HIVEP1: variants seen among roughly 807,000 people sequenced by gnomAD.
HIVEP1 encodes HIVEP zinc finger 1.
In HIVEP1, 36 loss-of-function variants were observed where a neutral mutation model predicts 180.0. The ratio of observed to expected loss-of-function variants is 0.20; its 90% CI spans 0.15 to 0.26. The LOEUF is 0.26. HIVEP1 is among the 10% of genes least tolerant of loss of function. HIVEP1 has a pLI of 1.00. For missense variants in HIVEP1, 3,143 were observed against 3,268.7 expected, an observed-to-expected ratio of 0.96 and a Z score of 0.94; for synonymous variants, 1,239 against 1,239.0, an observed-to-expected ratio of 1.00 and a Z score of 0.00.
At chr6:12,135,470 G>T (rs1322982396) in intron 6 of HIVEP1, among the ~76,000 whole-genome samples, 1 of 152,208 alleles carries the variant, frequency 6.6e-6, no homozygotes, top group African/African-American at 2.4e-5. Context: ...ACAGATCATA[G>T]TGTAGTCTGA....
At chr6:12,049,464 G>A (rs1770358840) in intron 2 of HIVEP1, among the ~76,000 whole-genome samples, 1 of 151,912 alleles carries the variant, frequency 6.6e-6, no homozygotes. Context: ...GTGAGACCTT[G>A]CGCGAGGAGG....
chr6:12,153,047 T>A (rs1350888320), intron 7 of HIVEP1, among the ~76,000 whole-genome samples: 1 of 152,246 alleles, frequency 6.6e-6, no homozygotes, highest in Non-Finnish European at 1.5e-5. Flanking sequence ...AAAATATTTA[T>A]AATATAACTG....
At chr6:12,167,720 A>T (rs1760762275), downstream of HIVEP1, among the ~76,000 whole-genome samples, 1 of 114,268 alleles carries the variant, frequency 8.8e-6, no homozygotes. Context: ...TGCATAATAT[A>T]TATACATATA....
chr6:12,197,626 TGGGAAGGG>T, the HIVEP1 span, among the ~76,000 whole-genome samples: 1 of 139,522 alleles, frequency 7.2e-6, no homozygotes, highest in Non-Finnish European at 1.6e-5. Flanking sequence ...GGAAACAAGG[TGGGAAGGG>T]TAGGTTAGAT....
downstream of HIVEP1, among the ~76,000 whole-genome samples, chr6:12,168,009 CATGTACATGTATATAT>C (rs1760777585): frequency 2.2e-5 from 2 of 90,688 alleles, 1 homozygote; most frequent in Non-Finnish European, 3.9e-5. Flanking sequence ...ATTATATATA[CATGTACATGTATATAT>C]GTATATATTA....
chr6:12,136,767 GTATT>G (rs939602695), intron 7 of HIVEP1, among the ~76,000 whole-genome samples: 1 of 152,080 alleles, frequency 6.6e-6, no homozygotes, highest in Non-Finnish European at 1.5e-5. Context: ...ACAAATTTAA[GTATT>G]TATCTCTGAC....
At chr6:12,045,976 G>A (rs530832917) in intron 2 of HIVEP1, among the ~76,000 whole-genome samples, 9 of 152,164 alleles carry the variant, frequency 5.9e-5, no homozygotes, top group Admixed American at 2.0e-4. Flanking sequence ...ATTTTTTTGT[G>A]AATGAATGTG....
At chr6:12,053,988 T>C (rs1770703783) in intron 2 of HIVEP1, among the ~76,000 whole-genome samples, 1 of 152,076 alleles carries the variant, frequency 6.6e-6, no homozygotes, top group Non-Finnish European at 1.5e-5. Flanking sequence ...CTACAACTTG[T>C]TAGTATCAGA....
At chr6:12,144,684 AAC>A (rs1326779531) in intron 7 of HIVEP1, among the ~76,000 whole-genome samples, 2 of 152,248 alleles carry the variant, frequency 1.3e-5, no homozygotes, top group Admixed American at 1.3e-4. Flanking sequence ...CAAGAAAAAA[AAC>A]AACCCCATCC....
At position 12,130,773 on chromosome 6, in the gene HIVEP1, G is replaced by A. The variant is rs1758375428; in HGVS notation, c.6216G>A (p.Lys2072=). 1.3e-6 allele frequency: 2 copies of A among 1,573,134 alleles called. No homozygotes were observed. Among genetic ancestry groups the A allele is most frequent in the Non-Finnish European group, 1.7e-6 (2 of 1,150,064 alleles). Reference sequence around the variant, plus strand: ...TTTTTTTTCTTTAAATTAGATATAAGTCAAATGAAGAGTATGTATATGTCC... The same window carrying A: ...TTTTTTTTCTTTAAATTAGATATAAATCAAATGAAGAGTATGTATATGTCC... ...RRIKIFDGGY[K]SNEEYVYVRG... Residue 2072 remains lysine, a synonymous_variant, in exon 6 of 9, where the codon AAG becomes AAA. Coordinates refer to ENST00000379388, the MANE Select transcript of HIVEP1 (RefSeq NM_002114.4).
At chr6:12,194,361 CAGAGAGAGAG>C in the HIVEP1 span, among the ~76,000 whole-genome samples, 13 of 147,792 alleles carry the variant, frequency 8.8e-5, no homozygotes, top group African/African-American at 3.0e-4. Flanking sequence ...AAGGAGAGTA[CAGAGAGAGAG>C]AGAGAGAGAG....
chr6:12,163,269 C>G lies in HIVEP1; in HGVS notation c.6979-14C>G, dbSNP rs571910886. The G allele has an allele frequency of 5.1e-5, 82 of 1,594,824 alleles. 1 individual carries two copies. The African/African-American group carries it at 9.1e-4, about 18-fold the overall frequency. On this transcript the variant is annotated splice_polypyrimidine_tract_variant and intron_variant, in intron 8 of 8. Coordinates refer to ENST00000379388, the MANE Select transcript of HIVEP1 (RefSeq NM_002114.4). The stretch of plus-strand genomic sequence containing the variant: ...AGACCTGTCATAAAAGGATTGCTCT[C>G]TCTTGTCATTTAGAGCCCATCATCT...
At chr6:12,140,866 A>T (rs939475236) in intron 7 of HIVEP1, among the ~76,000 whole-genome samples, 1 of 152,234 alleles carries the variant, frequency 6.6e-6, no homozygotes, top group African/African-American at 2.4e-5. Flanking sequence ...ATATGGGACT[A>T]TGTGAAAAAA....
At chr6:12,167,581 C>CATGTTATATTACATGTATATACAT (rs55679474), downstream of HIVEP1, among the ~76,000 whole-genome samples, 1 of 64,916 alleles carries the variant, frequency 1.5e-5, no homozygotes, top group African/African-American at 1.0e-4. Context: ...GTTATATATA[C>CATGTTATATTACATGTATATACAT]GTTATATTAC....
At chr6:12,037,087 A>G (rs1442315189) in intron 2 of HIVEP1, among the ~76,000 whole-genome samples, 1 of 152,162 alleles carries the variant, frequency 6.6e-6, no homozygotes, top group East Asian at 1.9e-4. Context: ...ATTTACAAGG[A>G]CCAAGTTATC....
At chr6:12,160,208 GT>G (rs1760311077) in intron 7 of HIVEP1, among the ~76,000 whole-genome samples, 1 of 152,184 alleles carries the variant, frequency 6.6e-6, no homozygotes, top group African/African-American at 2.4e-5. Context: ...AATGTGAAGA[GT>G]TTAAAAGTTC....
chr6:12,065,502 G>A (rs565970503), intron 2 of HIVEP1, among the ~76,000 whole-genome samples: 6 of 152,292 alleles, frequency 3.9e-5, no homozygotes, highest in African/African-American at 1.4e-4. Context: ...AGAATACAGG[G>A]ATGTGGCATA....
At chr6:12,195,117 C>A in the HIVEP1 span, among the ~76,000 whole-genome samples, 4 of 152,178 alleles carry the variant, frequency 2.6e-5, no homozygotes, top group African/African-American at 9.7e-5. Flanking sequence ...GTTAGAAATA[C>A]GTTTTCATCT....
chr6:12,165,223 G>T (rs1760669078), downstream of HIVEP1: 3 of 450,410 alleles, frequency 6.7e-6, no homozygotes, highest in Middle Eastern at 3.5e-4. Context: ...GTTATTATTA[G>T]AAGACTAAAT....
Sources: allele counts gnomAD v4.1 joint callset (sites outside exome capture counted in the v4.1 genomes callset), GRCh38; gene constraint gnomAD v4.1.1; transcripts MANE v1.5; gene names NCBI Gene and HGNC (gene_info 2026-07-23, HGNC 2026-07-21).